STC2: variants seen among roughly 807,000 people sequenced by gnomAD.
The protein encoded by STC2 is stanniocalcin-2.
STC2 carries 7 observed loss-of-function variants against 22.7 expected under a neutral mutation model. The ratio of observed to expected loss-of-function variants is 0.31; its 90% confidence interval spans 0.18 to 0.58. STC2 has a LOEUF of 0.58. STC2 is among the 20% of genes least tolerant of loss of function. The pLI is 0.89. For missense variants in STC2, 336 were observed against 406.2 expected (o/e 0.83, Z 1.48); for synonymous variants, 158 against 163.4 (o/e 0.97, Z 0.25).
At chr5:173,320,934 T>TAGA (rs1022046300) in intron 3 of STC2, among the ~76,000 whole-genome samples, 4 of 151,422 alleles carry the variant, frequency 2.6e-5, no homozygotes, top group African/African-American at 9.7e-5. Context: ...GCAGTTCAGC[T>TAGA]AGAAGTACAA....
In STC2 at chr5:173,325,431, T is replaced by A. The variant is rs1353069117; in HGVS notation, c.294+437A>T. ...ATCTGCTACTCAGGAGGAATAGAAGTCTGCTCTTTTGGAGGTCCTGAGTTA... is the reference window on the plus strand; with the variant it reads ...ATCTGCTACTCAGGAGGAATAGAAGACTGCTCTTTTGGAGGTCCTGAGTTA... On this transcript the variant is annotated intron_variant, in intron 2 of 3. Coordinates refer to ENST00000265087, the MANE Select transcript of STC2 (RefSeq NM_003714.3). The surrounding 1 kb of genome is among the most constrained non-coding windows in gnomAD (Gnocchi z 4.7). 6.6e-6 allele frequency among the ~76,000 whole-genome samples: 1 copy of A among 152,158 alleles called. No individual in the cohort carries two copies. The highest frequency in any genetic ancestry group is 1.5e-5 in the Non-Finnish European group (1 of 68,026).
chr5:173,327,747 G>T (rs891304185), intron 1 of STC2, among the ~76,000 whole-genome samples: 62 of 152,252 alleles, frequency 4.1e-4, no homozygotes, highest in Non-Finnish European at 4.6e-4. Flanking sequence ...CGGGGGCGGG[G>T]GCTGGCGCTG....
Position 173,317,929 on chromosome 5 carries a change from A to T in STC2, c.827T>A (p.Val276Asp), listed in dbSNP as rs775610079. ...AGGTCCCTGAGCCCCAAGGCCCCCG[A>T]CTCTGCCTCGGGCATGGGCGTTTGG... ...SHPNAHARGR[V>D]GGLGAQGPSG... Residue 276 changes from valine (V) to aspartate (D), a missense_variant, in exon 4 of 4, where the codon GTC becomes GAC. This residue lies in a region of STC2 where 215 missense variants were observed against 231.5 expected (regional missense o/e 0.93). Coordinates refer to ENST00000265087, the MANE Select transcript of STC2 (RefSeq NM_003714.3). The T allele has an allele frequency of 8.1e-6, 13 of 1,612,858 alleles. No homozygotes were observed. Among genetic ancestry groups the T allele is most frequent in the Non-Finnish European group, 1.1e-5 (13 of 1,179,650 alleles).
chr5:173,323,307 A>G lies in STC2; in HGVS notation c.418T>C (p.Tyr140His), dbSNP rs1458183063. Residue 140 changes from tyrosine (Y) to histidine (H), a missense_variant, in exon 3 of 4, where the codon TAC becomes CAC. Transcript: ENST00000265087. This position sits in a 1 kb window ranked among gnomAD's most constrained non-coding sequence, Gnocchi z 5.4. ...GCCGCGCACAGGTCGTGCTTGAGGT[A>G]GCATTCCCGCTGCAACTGGGACACC... ...EMVSQLQREC[Y>H]LKHDLCAAAQ... 6.2e-7 allele frequency: 1 copy of G among 1,614,042 alleles called. No individual in the cohort carries two copies. The highest frequency in any genetic ancestry group is 2.2e-5 in the East Asian group (1 of 44,884).
rs573657470 is a variant in STC2, at chr5:173,316,737, C to T, written c.*1110G>A. ...GTCTTCATTCTCTTCTTTCCTTTCC[C>T]ATCCCCTCACATGGAGAAGCCAGGT... On this transcript the variant is annotated 3_prime_UTR_variant, in exon 4 of 4. Transcript: ENST00000265087. 18 of 152,232 alleles carry T rather than the reference C, an allele frequency of 1.2e-4. No homozygotes were observed. The highest frequency in any genetic ancestry group is 3.8e-4 in the African/African-American group (16 of 41,562). 9.4% of individuals were successfully genotyped at this position (152,232 alleles called of 1,614,324 possible).
Position 173,318,131 on chromosome 5 carries a change from T to C in STC2, c.625A>G (p.Ser209Gly). Reference sequence around the variant, plus strand: ...TTCTGGATGGCCGAGGTGCAGAAGCTCAAGATGGAGCACAGGCTTCCCCAG... The same window carrying C: ...TTCTGGATGGCCGAGGTGCAGAAGCCCAAGATGGAGCACAGGCTTCCCCAG... Reference protein sequence around the residue: ...QNWGSLCSILSFCTSAIQKPP... With the variant: ...QNWGSLCSILGFCTSAIQKPP... Residue 209 changes from serine (S) to glycine (G), a missense_variant, in exon 4 of 4, where the codon AGC becomes GGC. Around this residue, in one of 3 missense-constraint regions of STC2, gnomAD observed 215 missense variants for 231.5 expected, o/e 0.93. Transcript: ENST00000265087. 1 of 1,610,188 alleles carries C rather than the reference T, an allele frequency of 6.2e-7. No homozygotes were observed. Among genetic ancestry groups the C allele is most frequent in the South Asian group, 1.1e-5 (1 of 90,804 alleles).
intron 3 of STC2, among the ~76,000 whole-genome samples, chr5:173,320,326 G>C (rs1189026754): frequency 1.3e-5 from 2 of 152,216 alleles, no homozygotes; most frequent in African/African-American, 4.8e-5. Flanking sequence ...AGCCCATGCT[G>C]TCCTCTGCCC....
rs200661657 is a variant in STC2, at chr5:173,323,241, A to G, written c.484T>C (p.Phe162Leu). ...NTRVIVEMIH[F>L]KDLLLHEPYV... is the part of the protein sequence containing the mutation. ...CACTCGTGCAGCAGCAAGTCCTTGA[A>G]ATGGATCATCTCCACTATCACCCGG... The change falls in exon 3 of 4, where the codon TTC becomes CTC. Residue 162 changes from phenylalanine to leucine, a missense_variant. Phe to Leu is a conservative substitution (Grantham distance 22). Transcript: ENST00000265087. The surrounding 1 kb of genome is among the most constrained non-coding windows in gnomAD (Gnocchi z 5.4). 10 of 1,614,142 alleles carry G rather than the reference A, an allele frequency of 6.2e-6. No homozygotes were observed. The East Asian group carries it at 2.2e-4, about 36-fold the overall frequency.
At chr5:173,326,936 T>C (rs1449433036) in intron 1 of STC2, 2 of 151,962 alleles carry the variant, frequency 1.3e-5, no homozygotes, top group African/African-American at 4.8e-5. Flanking sequence ...TCGGAGCAGA[T>C]AACCCGCATC....
rs1762449228 is a variant in STC2, at chr5:173,318,266, A to AGAG, written c.507-18_507-17insCTC. ...ACGTAGGGTCTAAAGATTGAAAGCA[A>AGAG]AGAGAGAGAGAGAGAGAGAGAGAGA... is the stretch of plus-strand genomic sequence containing the variant. On this transcript the variant is annotated splice_polypyrimidine_tract_variant and intron_variant, in intron 3 of 3. Coordinates refer to ENST00000265087, the MANE Select transcript of STC2 (RefSeq NM_003714.3). The AGAG allele has an allele frequency of 3.2e-6, 4 of 1,235,838 alleles. No homozygotes were observed. In the African/African-American group the frequency reaches 5.4e-5, roughly 17 times the overall value. The allele number at this position is 1,235,838 out of a possible 1,614,324, so 76.6% of individuals were successfully genotyped here.
chr5:173,321,412 G>A (rs1762484221), intron 3 of STC2, among the ~76,000 whole-genome samples: 1 of 152,150 alleles, frequency 6.6e-6, no homozygotes, highest in Non-Finnish European at 1.5e-5. Flanking sequence ...GGCGAGTGAA[G>A]CTCACGGTGT....
rs779000175 is a variant in STC2 at position 173,323,230 on chromosome 5, C to T, written c.495G>A (p.Leu165=). 19 of 1,614,202 alleles carry T rather than the reference C, an allele frequency of 1.2e-5. No individual in the cohort carries two copies. The highest frequency in any genetic ancestry group is 1.4e-5 in the Non-Finnish European group (17 of 1,180,040). ...GGGGCAGTACTCACTCGTGCAGCAGCAAGTCCTTGAAATGGATCATCTCCA... is the reference window on the plus strand; with the variant it reads ...GGGGCAGTACTCACTCGTGCAGCAGTAAGTCCTTGAAATGGATCATCTCCA... The part of the protein sequence containing the change: ...VIVEMIHFKD[L]LLHEPYVDLV... Residue 165 remains leucine, a synonymous_variant, in exon 3 of 4, where the codon TTG becomes TTA. Transcript: ENST00000265087. The surrounding 1 kb of genome is among the most constrained non-coding windows in gnomAD (Gnocchi z 5.4).
In STC2 at chr5:173,315,532, C is replaced by T. The variant is rs1210362546; in HGVS notation, c.*2315G>A. 9 of 152,140 alleles carry T rather than the reference C, an allele frequency of 5.9e-5. No individual in the cohort carries two copies. Among genetic ancestry groups the T allele is most frequent in the Admixed American group, 3.9e-4 (6 of 15,276 alleles). 9.4% of individuals were successfully genotyped at this position (152,140 alleles called of 1,614,324 possible). ...TGACAAATATTTACAATAGAAGCAACGAATGGGATCAGTAGGCGAACACAT... is the reference window on the plus strand; with the variant it reads ...TGACAAATATTTACAATAGAAGCAATGAATGGGATCAGTAGGCGAACACAT... On this transcript the variant is annotated 3_prime_UTR_variant, in exon 4 of 4. Transcript: ENST00000265087.
intron 2 of STC2, among the ~76,000 whole-genome samples, chr5:173,324,922 C>T (rs1382180883): frequency 2.6e-5 from 4 of 152,154 alleles, no homozygotes; most frequent in East Asian, 1.9e-4. Context: ...CTGGCCACAC[C>T]GCACATCCTC....
In STC2 at chr5:173,323,485, TTACA is replaced by T. The variant is rs1343815362; in HGVS notation, c.295-59_295-56del. 35 of 1,494,790 alleles carry T rather than the reference TTACA, an allele frequency of 2.3e-5. No homozygotes were observed. The highest frequency in any genetic ancestry group is 3.2e-5 in the Non-Finnish European group (35 of 1,096,226). The allele number at this position is 1,494,790 out of a possible 1,614,324, so 92.6% of individuals were successfully genotyped here. A position where few individuals can be genotyped will look rare whatever the true frequency, so the allele number is the denominator to read the frequency against. On this transcript the variant is annotated intron_variant, in intron 2 of 3. Coordinates refer to ENST00000265087, the MANE Select transcript of STC2 (RefSeq NM_003714.3). This position sits in a 1 kb window ranked among gnomAD's most constrained non-coding sequence, Gnocchi z 5.4. ...GAGGGGCAGAAAGCAGAAGACCTCGTTACATGCTTGGACATTTCAGCCCTTCTTG... is the reference window on the plus strand; with the variant it reads ...GAGGGGCAGAAAGCAGAAGACCTCGTTGCTTGGACATTTCAGCCCTTCTTG...
chr5:173,320,067 C>G (rs755756943), intron 3 of STC2, among the ~76,000 whole-genome samples: 1 of 152,228 alleles, frequency 6.6e-6, no homozygotes, highest in Non-Finnish European at 1.5e-5. Context: ...TCTGCTAAAG[C>G]AGCAACAGGA....
At chr5:173,320,322 T>A (rs994749646) in intron 3 of STC2, among the ~76,000 whole-genome samples, 2 of 152,210 alleles carry the variant, frequency 1.3e-5, no homozygotes, top group African/African-American at 4.8e-5. Context: ...GATGAGCCCA[T>A]GCTGTCCTCT....
intron 3 of STC2, among the ~76,000 whole-genome samples, chr5:173,319,722 C>T (rs1762464109): frequency 6.6e-6 from 1 of 152,218 alleles, no homozygotes; most frequent in Non-Finnish European, 1.5e-5. Flanking sequence ...GAAGGTGGCT[C>T]TTGGAAGCTT....
chr5:173,321,202 G>C (rs1581139038), intron 3 of STC2, among the ~76,000 whole-genome samples: 2 of 151,982 alleles, frequency 1.3e-5, no homozygotes, highest in East Asian at 3.9e-4. Flanking sequence ...TAGAACGCCA[G>C]AGAGCTTTAC....
Sources: gnomAD v4.1 joint callset for allele counts (sites outside exome capture counted in the v4.1 genomes callset) on GRCh38, gnomAD v4.1.1 for gene constraint, gnomAD v4.1.1 regional missense constraint, Gnocchi (gnomAD v3.1) non-coding constraint, MANE v1.5 for transcripts, NCBI Gene and HGNC (gene_info 2026-07-23, HGNC 2026-07-21) for gene names.